FCHSD2: variants seen among roughly 807,000 people sequenced by gnomAD.
The protein encoded by FCHSD2 is FCH and double SH3 domains 2.
Under a neutral mutation model 108.1 loss-of-function variants are expected in FCHSD2, and 38 were observed. That is an observed-to-expected ratio of 0.35 (90% confidence interval 0.27 to 0.46). FCHSD2 has a LOEUF of 0.46. FCHSD2 is among the 20% of genes least tolerant of loss of function. The probability of loss-of-function intolerance (pLI) is 1.00; values close to 1 mark genes in which losing one functional copy is unlikely to be tolerated. For synonymous variants in FCHSD2, 279 were observed against 314.7 expected (o/e 0.89, Z 1.20); for missense variants, 751 against 897.8 (o/e 0.84, Z 2.09).
chr11:72,940,995 T>C (rs1216736428), intron 8 of FCHSD2: 15 of 745,484 alleles, frequency 2.0e-5, no homozygotes, highest in Non-Finnish European at 3.7e-5. Flanking sequence ...GGCTGACATC[T>C]ACAGGCCGAA....
At chr11:73,001,612 A>G (rs931309008) in intron 4 of FCHSD2, among the ~76,000 whole-genome samples, 2 of 152,216 alleles carry the variant, frequency 1.3e-5, no homozygotes, top group Non-Finnish European at 1.5e-5. Context: ...GTACCTGTAT[A>G]TATAGTACAT....
intron 8 of FCHSD2, chr11:72,940,836 T>TA (rs954998425): frequency 5.1e-5 from 46 of 907,274 alleles, no homozygotes; most frequent in Middle Eastern, 6.5e-4. Flanking sequence ...GTGGGGCTCT[T>TA]AGAGTCCTGA....
chr11:72,844,061 C>T (rs1353996550), intron 14 of FCHSD2, among the ~76,000 whole-genome samples: 1 of 152,056 alleles, frequency 6.6e-6, no homozygotes, highest in African/African-American at 2.4e-5. Flanking sequence ...GACCTGGGTT[C>T]CAACTCCAGC....
chr11:73,040,353 C>A (rs1858604936), intron 3 of FCHSD2, among the ~76,000 whole-genome samples: 1 of 152,146 alleles, frequency 6.6e-6, no homozygotes, highest in Non-Finnish European at 1.5e-5. Flanking sequence ...TTGCCAGAGG[C>A]AGAGTGTTTT....
chr11:72,984,182 G>C lies in FCHSD2; in HGVS notation c.611C>G (p.Ala204Gly). 2 of 1,613,586 alleles carry C rather than the reference G, an allele frequency of 1.2e-6. No individual in the cohort carries two copies. The highest frequency in any genetic ancestry group is 1.7e-6 in the Non-Finnish European group (2 of 1,179,520). Residue 204 changes from alanine (A) to glycine (G), a missense_variant, in exon 8 of 20, where the codon GCT becomes GGT. Coordinates refer to ENST00000409418, the MANE Select transcript of FCHSD2 (RefSeq NM_014824.3). ...KARRSECNSK[A>G]THARNDYLLT... ...AAGATAATCATTCCTTGCGTGGGTA[G>C]CTTTGGAATTACACTCAGATCGCCG... is the stretch of plus-strand genomic sequence containing the variant.
At chr11:72,940,045 A>G (rs560611476) in intron 8 of FCHSD2, among the ~76,000 whole-genome samples, 85 of 152,322 alleles carry the variant, frequency 5.6e-4, no homozygotes, top group Non-Finnish European at 9.8e-4. Context: ...TACAGCCTGT[A>G]TAGAAAATGC....
chr11:72,966,826 TAATAG>T, intron 8 of FCHSD2, among the ~76,000 whole-genome samples: 1 of 152,084 alleles, frequency 6.6e-6, no homozygotes, highest in African/African-American at 2.4e-5. Context: ...GAAGAAAATA[TAATAG>T]AGGAATATGA....
At chr11:73,059,466 A>T (rs1293807038) in intron 3 of FCHSD2, among the ~76,000 whole-genome samples, 1 of 152,220 alleles carries the variant, frequency 6.6e-6, no homozygotes, top group Non-Finnish European at 1.5e-5. Flanking sequence ...TTCATAAATC[A>T]TAAACATAAA....
At chr11:73,078,785 C>T (rs1859614585) in intron 3 of FCHSD2, among the ~76,000 whole-genome samples, 1 of 152,154 alleles carries the variant, frequency 6.6e-6, no homozygotes, top group Non-Finnish European at 1.5e-5. Flanking sequence ...GTGGTGCGAT[C>T]ACAGCTCACT....
At chr11:73,021,411 C>T (rs1269349394) in intron 3 of FCHSD2, among the ~76,000 whole-genome samples, 8 of 152,092 alleles carry the variant, frequency 5.3e-5, no homozygotes, top group Non-Finnish European at 8.8e-5. Flanking sequence ...TTTGCAGGGG[C>T]GTGGATGGCG....
At chr11:73,030,799 T>C (rs552679966) in intron 3 of FCHSD2, among the ~76,000 whole-genome samples, 7 of 152,226 alleles carry the variant, frequency 4.6e-5, no homozygotes, top group Non-Finnish European at 1.0e-4. Context: ...TCATTTCACA[T>C]TGTTATCCCT....
chr11:72,854,895 T>G (rs781352446), intron 13 of FCHSD2, among the ~76,000 whole-genome samples: 1 of 152,056 alleles, frequency 6.6e-6, no homozygotes, highest in Non-Finnish European at 1.5e-5. Context: ...CCCAGCACTT[T>G]GGGAGGCCGA....
intron 9 of FCHSD2, among the ~76,000 whole-genome samples, chr11:72,905,994 G>A (rs1476562386): frequency 6.6e-6 from 1 of 152,152 alleles, no homozygotes; most frequent in Non-Finnish European, 1.5e-5. Context: ...TCTAGTTCTA[G>A]ATCCTTGAGG....
At chr11:73,065,894 G>A (rs1156246325) in intron 3 of FCHSD2, among the ~76,000 whole-genome samples, 1 of 152,098 alleles carries the variant, frequency 6.6e-6, no homozygotes, top group African/African-American at 2.4e-5. Context: ...CTTACGGCTA[G>A]GAAGAATCAA....
chr11:72,924,581 C>T (rs1044116237), intron 8 of FCHSD2, among the ~76,000 whole-genome samples: 5 of 151,966 alleles, frequency 3.3e-5, no homozygotes, highest in Admixed American at 3.3e-4. Flanking sequence ...CACGCCCCAC[C>T]CAGCTATTTT....
intron 8 of FCHSD2, chr11:72,983,632 TAC>T (rs1857257988): frequency 1.5e-5 from 3 of 199,460 alleles, no homozygotes; most frequent in South Asian, 1.4e-4. Context: ...TTTCAAAAAA[TAC>T]AGATACAATC....
chr11:72,838,981 G>T, intron 19 of FCHSD2, 107 bp from the exon 20 acceptor site: 1 of 921,890 alleles, frequency 1.1e-6, no homozygotes, highest in Non-Finnish European at 1.7e-6. Flanking sequence ...GCACCCTAGG[G>T]GTCTCAGAAA....
intron 3 of FCHSD2, among the ~76,000 whole-genome samples, chr11:73,037,759 A>G (rs1438513090): frequency 6.6e-6 from 1 of 152,308 alleles, no homozygotes; most frequent in African/African-American, 2.4e-5. Context: ...TGGGTTTTAC[A>G]TTCTGAATAT....
At chr11:72,873,073 TAA>T (rs202075634) in intron 12 of FCHSD2, among the ~76,000 whole-genome samples, 5,140 of 152,314 alleles carry the variant, frequency 0.034, 140 homozygotes, top group Non-Finnish European at 0.043. Flanking sequence ...CTCATGCCTA[TAA>T]TCCCAGCACT....
Sources: gnomAD v4.1 joint callset for allele counts (sites outside exome capture counted in the v4.1 genomes callset) on GRCh38, gnomAD v4.1.1 for gene constraint, MANE v1.5 for transcripts, NCBI Gene and HGNC (gene_info 2026-07-23, HGNC 2026-07-21) for gene names.